The following COL5A2 variants were observed in gnomAD, a reference collection of about 807,000 sequenced individuals.
The protein encoded by COL5A2 is collagen type V alpha 2 chain.
A neutral mutation model predicts 208.2 loss-of-function variants in COL5A2; 23 were observed. The ratio of observed to expected loss-of-function variants is 0.11; its 90% confidence interval spans 0.08 to 0.16. The LOEUF (loss-of-function observed/expected upper bound fraction) is 0.16. COL5A2 is among the 10% of genes least tolerant of loss of function. The pLI is 1.00. For synonymous variants in COL5A2, 625 were observed against 628.5 expected, an observed-to-expected ratio of 0.99 and a Z score of 0.08; for missense variants, 1,590 against 1,956.4, an observed-to-expected ratio of 0.81 and a Z score of 3.53.
At chr2:189,076,619 A>C (rs1156624390) in intron 16 of COL5A2, among the ~76,000 whole-genome samples, 8 of 152,162 alleles carry the variant, frequency 5.3e-5, no homozygotes, top group Non-Finnish European at 1.2e-4. Flanking sequence ...AACCAGAGAG[A>C]AGAAAAAGCT....
chr2:189,311,394 C>A, the COL5A2 span: 6 of 1,045,148 alleles, frequency 5.7e-6, no homozygotes, highest in South Asian at 5.1e-5. Flanking sequence ...AAGTCCTCAC[C>A]ATCTTCCAGC....
At chr2:189,375,591 G>A in the COL5A2 span, among the ~76,000 whole-genome samples, 1 of 152,098 alleles carries the variant, frequency 6.6e-6, no homozygotes, top group East Asian at 1.9e-4. Flanking sequence ...TGTCAAATTA[G>A]GATAATAGAA....
At chr2:189,208,282 G>T (rs1689165490) in intron 1 of COL5A2, among the ~76,000 whole-genome samples, 1 of 152,134 alleles carries the variant, frequency 6.6e-6, no homozygotes, top group Non-Finnish European at 1.5e-5. Flanking sequence ...GTTCATTGTT[G>T]TACAGTGCTT....
At chr2:189,217,179 G>A (rs147901930) in intron 1 of COL5A2, among the ~76,000 whole-genome samples, 161 of 152,250 alleles carry the variant, frequency 1.1e-3, no homozygotes, top group African/African-American at 3.0e-3. Context: ...TCTGAAGTAA[G>A]AAAGGCATCA....
chr2:189,101,646 C>T (rs1461204025), intron 3 of COL5A2, among the ~76,000 whole-genome samples: 1 of 152,026 alleles, frequency 6.6e-6, no homozygotes, highest in Non-Finnish European at 1.5e-5. Context: ...TACTTATATC[C>T]TTCCAATACT....
At chr2:189,398,280 T>C in the COL5A2 span, among the ~76,000 whole-genome samples, 2 of 152,284 alleles carry the variant, frequency 1.3e-5, no homozygotes, top group East Asian at 3.9e-4. Flanking sequence ...CATGTGTAAA[T>C]ACATATTTAT....
At chr2:189,200,835 A>G (rs1400865123) in intron 1 of COL5A2, among the ~76,000 whole-genome samples, 4 of 151,732 alleles carry the variant, frequency 2.6e-5, no homozygotes, top group African/African-American at 9.7e-5. Context: ...TACTGAAATA[A>G]AAAAAAATGT....
intron 1 of COL5A2, among the ~76,000 whole-genome samples, chr2:189,219,071 C>T (rs181315232): frequency 6.6e-6 from 1 of 152,274 alleles, no homozygotes; most frequent in Admixed American, 6.5e-5. Context: ...AAAATTGCCA[C>T]TGATGCAGCA....
intron 1 of COL5A2, among the ~76,000 whole-genome samples, chr2:189,215,567 G>T (rs531472112): frequency 4.2e-4 from 63 of 151,172 alleles, no homozygotes; most frequent in African/African-American, 1.5e-3. Context: ...TTTTAATGTG[G>T]CCACCAGAAA....
the COL5A2 span, among the ~76,000 whole-genome samples, chr2:189,256,300 G>C: frequency 6.6e-6 from 1 of 152,180 alleles, no homozygotes; most frequent in Non-Finnish European, 1.5e-5. Context: ...AAAACAGGAA[G>C]AGTTTCAAGT....
chr2:189,271,578 C>CGT, the COL5A2 span, among the ~76,000 whole-genome samples: 4 of 152,134 alleles, frequency 2.6e-5, no homozygotes, highest in Non-Finnish European at 5.9e-5. Context: ...CTAGACAATA[C>CGT]CATTCAGGAC....
the COL5A2 span, among the ~76,000 whole-genome samples, chr2:189,332,741 C>T: frequency 3.9e-5 from 6 of 152,158 alleles, no homozygotes; most frequent in African/African-American, 1.4e-4. Context: ...ATTACCCACT[C>T]TTGGTATGTC....
the COL5A2 span, among the ~76,000 whole-genome samples, chr2:189,292,639 C>T: frequency 6.6e-6 from 1 of 152,166 alleles, no homozygotes; most frequent in African/African-American, 2.4e-5. Flanking sequence ...AATAGGAACA[C>T]TTTGACACTG....
chr2:189,348,351 GA>G, the COL5A2 span, among the ~76,000 whole-genome samples: 219 of 151,958 alleles, frequency 1.4e-3, 1 homozygote, highest in African/African-American at 5.1e-3. Context: ...ATTTGCTCTA[GA>G]AAAAAAATGG....
chr2:189,325,316 A>AC, the COL5A2 span, among the ~76,000 whole-genome samples: 2 of 139,500 alleles, frequency 1.4e-5, no homozygotes, highest in Non-Finnish European at 3.2e-5. Flanking sequence ...AAAGTATAAT[A>AC]AAAAAAAATA....
chr2:189,371,661 C>A, the COL5A2 span, among the ~76,000 whole-genome samples: 1 of 152,070 alleles, frequency 6.6e-6, no homozygotes, highest in East Asian at 1.9e-4. Context: ...GGGTATCTGG[C>A]GGAAGTAATT....
the COL5A2 span, among the ~76,000 whole-genome samples, chr2:189,323,073 A>G: frequency 5.9e-5 from 9 of 152,204 alleles, no homozygotes; most frequent in African/African-American, 2.2e-4. Flanking sequence ...CAAAAACTAC[A>G]TGATTATCTC....
chr2:189,051,437 C>T lies in COL5A2; in HGVS notation c.2814G>A (p.Glu938=), dbSNP rs1685786026. The change falls in exon 42 of 54, where the codon GAG becomes GAA. Residue 938 remains glutamate, a synonymous_variant. Transcript: ENST00000374866. ...GGTCCCCACGAAGACCTGGAGGTCC[C>T]TCCTTCCCGGGTTCCCCTAGGGGTC... ...PAGPLGEPGK[E]GPPGLRGDPG... The T allele has an allele frequency of 1.2e-6, 2 of 1,612,998 alleles. No individual in the cohort carries two copies.
chr2:189,093,446 A>C (rs190830514), intron 6 of COL5A2, among the ~76,000 whole-genome samples: 1,530 of 152,306 alleles, frequency 0.01, 13 homozygotes, highest in Non-Finnish European at 0.017. Context: ...TTCAAATAGG[A>C]GCTGATAGTG....
Sources: allele counts gnomAD v4.1 joint callset (sites outside exome capture counted in the v4.1 genomes callset), GRCh38; gene constraint gnomAD v4.1.1; transcripts MANE v1.5; gene names NCBI Gene and HGNC (gene_info 2026-07-23, HGNC 2026-07-21).